Variants in RBKS observed in about 807,000 individuals in gnomAD.
RBKS encodes the protein ribokinase.
RBKS carries 33 observed loss-of-function variants against 33.9 expected under a neutral mutation model. The ratio of observed to expected loss-of-function variants is 0.97; its 90% CI spans 0.74 to 1.30. The LOEUF is 1.30. Ranked by LOEUF, RBKS falls within the 50% of genes most tolerant of loss-of-function variation. The pLI, the probability that RBKS is intolerant of heterozygous loss-of-function variation, is 0.00. For synonymous variants in RBKS, 125 were observed against 143.0 expected (o/e 0.87, Z 0.90); for missense variants, 361 against 392.6 (o/e 0.92, Z 0.68).
chr2:27,861,291 T>TC (rs1663977366), intron 1 of RBKS: 3 of 314,732 alleles, frequency 9.5e-6, no homozygotes, highest in Non-Finnish European at 1.9e-5. Context: ...TTTCTGTGTC[T>TC]CCCCCGTATA....
intron 4 of RBKS, 80 bp from the exon 5 acceptor site, chr2:27,843,311 G>A (rs966867471): frequency 5.6e-6 from 6 of 1,075,774 alleles, no homozygotes; most frequent in African/African-American, 3.2e-5. Context: ...GAATACAATC[G>A]CCCTTGTAAA....
At chr2:27,879,000 A>G (rs924262203) in intron 1 of RBKS, among the ~76,000 whole-genome samples, 11 of 152,172 alleles carry the variant, frequency 7.2e-5, no homozygotes, top group Admixed American at 3.3e-4. Flanking sequence ...CTGATGTTCT[A>G]AGACCCAAGG....
intron 2 of RBKS, among the ~76,000 whole-genome samples, chr2:27,854,861 G>A (rs1663824873): frequency 6.6e-6 from 1 of 150,856 alleles, no homozygotes; most frequent in Admixed American, 6.6e-5. Flanking sequence ...GCATACATCT[G>A]TGGAACCATT....
intron 1 of RBKS, among the ~76,000 whole-genome samples, chr2:27,880,216 T>C (rs1377391488): frequency 1.3e-5 from 2 of 152,186 alleles, no homozygotes; most frequent in African/African-American, 4.8e-5. Flanking sequence ...TTCCATAAAA[T>C]GAACACTGCT....
chr2:27,873,688 T>C (rs890224160), intron 1 of RBKS, among the ~76,000 whole-genome samples: 1 of 152,166 alleles, frequency 6.6e-6, no homozygotes, highest in African/African-American at 2.4e-5. Flanking sequence ...AAAATCCAGA[T>C]GTAAAATATA....
intron 5 of RBKS, among the ~76,000 whole-genome samples, chr2:27,838,968 T>C (rs1286354312): frequency 2.0e-5 from 3 of 152,118 alleles, no homozygotes. Flanking sequence ...CAGAAACTCT[T>C]TATGGTGTTG....
At chr2:27,842,940 T>A (rs1663541078) in intron 5 of RBKS, 127 bp downstream of exon 5, 1 of 664,406 alleles carries the variant, frequency 1.5e-6, no homozygotes, top group African/African-American at 1.9e-5. Context: ...AGACTGTGAA[T>A]CTCACAGATG....
At chr2:27,883,769 T>C (rs1013640128) in intron 1 of RBKS, among the ~76,000 whole-genome samples, 4 of 150,764 alleles carry the variant, frequency 2.7e-5, no homozygotes, top group Admixed American at 1.3e-4. Flanking sequence ...CCCTGTTACC[T>C]AGGCTGGTCT....
intron 1 of RBKS, among the ~76,000 whole-genome samples, chr2:27,863,190 T>A (rs1420753982): frequency 1.3e-5 from 2 of 152,216 alleles, no homozygotes; most frequent in East Asian, 3.8e-4. Context: ...ATATTTGAAT[T>A]TAAAACAAAT....
At chr2:27,858,773 C>G (rs1248228289) in intron 1 of RBKS, among the ~76,000 whole-genome samples, 1 of 152,162 alleles carries the variant, frequency 6.6e-6, no homozygotes, top group Admixed American at 6.5e-5. Context: ...GTCTCCTTGA[C>G]AGAATTCCTC....
chr2:27,818,838 C>G (rs921614150), intron 7 of RBKS, among the ~76,000 whole-genome samples: 2 of 152,218 alleles, frequency 1.3e-5, no homozygotes, highest in Non-Finnish European at 2.9e-5. Flanking sequence ...GAGCCCCAAA[C>G]ATAAGACATC....
chr2:27,835,074 G>A (rs1240651930), intron 5 of RBKS, among the ~76,000 whole-genome samples: 2 of 152,074 alleles, frequency 1.3e-5, no homozygotes, highest in African/African-American at 4.8e-5. Flanking sequence ...TCAGGAGTTT[G>A]AGACCAGCCT....
At chr2:27,858,909 A>C (rs1207149797) in intron 1 of RBKS, among the ~76,000 whole-genome samples, 1 of 152,194 alleles carries the variant, frequency 6.6e-6, no homozygotes, top group Non-Finnish European at 1.5e-5. Flanking sequence ...GGATTTAATA[A>C]ATGGGATGAA....
At chr2:27,819,662 T>A (rs1678160547) in intron 7 of RBKS, among the ~76,000 whole-genome samples, 1 of 152,170 alleles carries the variant, frequency 6.6e-6, no homozygotes, top group African/African-American at 2.4e-5. Context: ...CAAGCTATGA[T>A]TAATTGTGAG....
At chr2:27,857,469 C>T (rs1279835202) in intron 2 of RBKS, among the ~76,000 whole-genome samples, 1 of 152,158 alleles carries the variant, frequency 6.6e-6, no homozygotes, top group Non-Finnish European at 1.5e-5. Flanking sequence ...TCTCTACATA[C>T]ATGAAAACAA....
intron 2 of RBKS, among the ~76,000 whole-genome samples, chr2:27,854,369 A>C (rs1311368062): frequency 5.3e-5 from 8 of 152,202 alleles, no homozygotes; most frequent in Admixed American, 4.6e-4. Context: ...ACCTTAATGT[A>C]CCGAGTTAGG....
chr2:27,854,537 T>C (rs1019384087), intron 2 of RBKS, among the ~76,000 whole-genome samples: 5 of 152,196 alleles, frequency 3.3e-5, no homozygotes, highest in Non-Finnish European at 5.9e-5. Flanking sequence ...CCCAAGATAG[T>C]TTACAAATGC....
intron 2 of RBKS, among the ~76,000 whole-genome samples, chr2:27,851,954 C>T (rs1312356467): frequency 6.6e-6 from 1 of 152,212 alleles, no homozygotes; most frequent in Non-Finnish European, 1.5e-5. Context: ...ACTCTTTTGA[C>T]TACAGCAGTG....
chr2:27,823,644 A>C (rs1018877471), intron 7 of RBKS, among the ~76,000 whole-genome samples: 4 of 152,204 alleles, frequency 2.6e-5, no homozygotes, highest in Non-Finnish European at 5.9e-5. Context: ...AGCTGTGTGC[A>C]GAACAGGTAA....
Sources: gnomAD v4.1 joint callset for allele counts (sites outside exome capture counted in the v4.1 genomes callset) on GRCh38, gnomAD v4.1.1 for gene constraint, MANE v1.5 for transcripts, NCBI Gene and HGNC (gene_info 2026-07-23, HGNC 2026-07-21) for gene names.